Variants in NREP observed in about 807,000 individuals in gnomAD.
The protein encoded by NREP is neuronal regeneration-related protein.
Under a neutral mutation model 8.6 loss-of-function variants are expected in NREP, and 5 were observed. The ratio of observed to expected loss-of-function variants is 0.58; its 90% CI spans 0.30 to 1.22. The LOEUF (loss-of-function observed/expected upper bound fraction) is 1.22. NREP is among the 50% of genes most tolerant of loss of function. The pLI is 0.07. For synonymous variants in NREP, 27 were observed against 28.0 expected (o/e 0.96, Z 0.11); for missense variants, 86 against 82.5 (o/e 1.04, Z -0.17).
chr5:111,777,934 G>C (rs1456729612), intron 2 of NREP, among the ~76,000 whole-genome samples: 2 of 152,124 alleles, frequency 1.3e-5, no homozygotes, highest in East Asian at 1.9e-4. Context: ...GAGATAAATA[G>C]GGTATGGGAG....
chr5:111,748,775 C>A (rs1750172072), intron 2 of NREP, among the ~76,000 whole-genome samples: 1 of 152,156 alleles, frequency 6.6e-6, no homozygotes, highest in Admixed American at 6.5e-5. Context: ...AAAGGCATCA[C>A]AGCCTCAACT....
At chr5:111,953,926 A>G (rs537897159) in intron 2 of NREP, among the ~76,000 whole-genome samples, 71 of 152,252 alleles carry the variant, frequency 4.7e-4, no homozygotes, top group African/African-American at 1.7e-3. Flanking sequence ...CACATCCTCA[A>G]AGTATCACCA....
chr5:111,820,780 A>T (rs774067140), intron 2 of NREP, among the ~76,000 whole-genome samples: 1 of 152,212 alleles, frequency 6.6e-6, no homozygotes, highest in African/African-American at 2.4e-5. Flanking sequence ...ATAAGATATA[A>T]AGAATTTTTG....
intron 2 of NREP, among the ~76,000 whole-genome samples, chr5:111,878,981 T>G (rs547499205): frequency 6.6e-6 from 1 of 152,248 alleles, no homozygotes; most frequent in Non-Finnish European, 1.5e-5. Context: ...AAGTCTCATG[T>G]TGAAATGTGA....
chr5:111,794,872 C>A (rs1273959325), intron 2 of NREP, among the ~76,000 whole-genome samples: 1 of 151,512 alleles, frequency 6.6e-6, no homozygotes, highest in African/African-American at 2.4e-5. Context: ...TCAATTGTAA[C>A]AAATGTATCA....
At chr5:111,894,844 C>T (rs945212597) in intron 2 of NREP, among the ~76,000 whole-genome samples, 9 of 152,120 alleles carry the variant, frequency 5.9e-5, no homozygotes, top group African/African-American at 4.8e-5. Context: ...GGTGAAGAGT[C>T]GTTACAATAT....
intron 2 of NREP, among the ~76,000 whole-genome samples, chr5:111,881,285 C>T (rs1451795261): frequency 1.3e-5 from 2 of 152,184 alleles, no homozygotes; most frequent in Non-Finnish European, 2.9e-5. Context: ...GGGGTGCCCA[C>T]CATTGCCCAG....
At chr5:111,759,401 TTTTC>T (rs879320412), upstream of NREP, among the ~76,000 whole-genome samples, 311 of 150,452 alleles carry the variant, frequency 2.1e-3, 1 homozygote, top group Admixed American at 4.1e-3. Context: ...AAGTGTTAAT[TTTTC>T]TTTCTTTCTT....
intron 1 of NREP, 22 bp downstream of exon 1, chr5:111,757,114 G>GT: frequency 1.3e-6 from 1 of 758,012 alleles, no homozygotes. Context: ...CCCAGCCGGG[G>GT]ATAGGAATGG....
chr5:111,820,732 C>T (rs551099686), intron 2 of NREP, among the ~76,000 whole-genome samples: 14 of 151,864 alleles, frequency 9.2e-5, no homozygotes, highest in Non-Finnish European at 2.1e-4. Context: ...TCATTGGAGA[C>T]TATTTACAAA....
rs146021183 is a variant in NREP, at chr5:111,866,520, G to C, written c.135+108754C>G. On this transcript the variant is annotated intron_variant, in intron 2 of 3. Transcript: ENST00000395634. ...CAACAGGTGCTGGACAGGATGTGGAGAAAGAGGAACACTTACACTGTTGGT... is the reference window on the plus strand; with the variant it reads ...CAACAGGTGCTGGACAGGATGTGGACAAAGAGGAACACTTACACTGTTGGT... 4.6e-3 allele frequency among the ~76,000 whole-genome samples: 699 copies of C among 152,286 alleles called. 4 individuals carry two copies. Among genetic ancestry groups the C allele is most frequent in the African/African-American group, 0.016 (656 of 41,550 alleles).
chr5:111,874,729 G>A (rs1054948404), intron 2 of NREP, among the ~76,000 whole-genome samples: 1 of 152,134 alleles, frequency 6.6e-6, no homozygotes. Context: ...GATACCTTAT[G>A]ACCCATTTTT....
intron 2 of NREP, among the ~76,000 whole-genome samples, chr5:111,894,989 A>G (rs1436558174): frequency 1.3e-5 from 2 of 152,228 alleles, no homozygotes; most frequent in African/African-American, 4.8e-5. Flanking sequence ...AGCTCTTAGA[A>G]TACCATCTGA....
At chr5:111,807,137 A>C (rs940205519) in intron 2 of NREP, among the ~76,000 whole-genome samples, 1 of 152,212 alleles carries the variant, frequency 6.6e-6, no homozygotes, top group Non-Finnish European at 1.5e-5. Context: ...ACAAAAAAAA[A>C]ACTTCATGTT....
intron 3 of NREP, chr5:111,732,068 G>A (rs1748642100): frequency 1.3e-5 from 2 of 151,018 alleles, no homozygotes; most frequent in South Asian, 4.2e-4. Flanking sequence ...ATTATCCTTT[G>A]TGGTTTTAAA....
upstream of NREP, chr5:111,757,207 G>A: frequency 2.1e-6 from 2 of 936,986 alleles, no homozygotes; most frequent in Non-Finnish European, 2.5e-6. Context: ...TTGAAAAAGG[G>A]CAACATGCTA....
chr5:111,750,232 C>G (rs1750269512), intron 2 of NREP, among the ~76,000 whole-genome samples: 1 of 152,200 alleles, frequency 6.6e-6, no homozygotes, highest in Non-Finnish European at 1.5e-5. Flanking sequence ...CTCCTTTTAT[C>G]TGGAATACTC....
chr5:111,938,348 T>A (rs1755739429), intron 2 of NREP, among the ~76,000 whole-genome samples: 1 of 152,130 alleles, frequency 6.6e-6, no homozygotes, highest in Non-Finnish European at 1.5e-5. Context: ...GATAAACATT[T>A]TATAAGCCAA....
chr5:111,843,251 T>C (rs1753076631), intron 2 of NREP, among the ~76,000 whole-genome samples: 1 of 151,974 alleles, frequency 6.6e-6, no homozygotes, highest in Non-Finnish European at 1.5e-5. Context: ...TTGTTCTTTT[T>C]GTTCCTCTGG....
Sources: allele counts gnomAD v4.1 joint callset (sites outside exome capture counted in the v4.1 genomes callset), GRCh38; gene constraint gnomAD v4.1.1; transcripts MANE v1.5; gene names NCBI Gene and HGNC (gene_info 2026-07-23, HGNC 2026-07-21).